SP140: variants seen among roughly 807,000 people sequenced by gnomAD.
The protein encoded by SP140 is nuclear body protein SP140.
A neutral mutation model predicts 125.0 loss-of-function variants in SP140; 81 were observed. The observed-to-expected ratio is 0.65, with a 90% CI of 0.54 to 0.78. SP140 has a LOEUF of 0.78. Among genes scored for constraint, SP140 ranks in the 30% least tolerant of loss-of-function variants. The probability of loss-of-function intolerance (pLI) is 0.00; values close to 1 mark genes in which losing one functional copy is unlikely to be tolerated. For missense variants in SP140, 858 were observed against 1,037.0 expected (o/e 0.83, Z 2.37); for synonymous variants, 312 against 354.0 (o/e 0.88, Z 1.33).
chr2:230,271,719 A>C (rs1318242910), intron 15 of SP140, among the ~76,000 whole-genome samples: 2 of 152,312 alleles, frequency 1.3e-5, no homozygotes, highest in East Asian at 3.9e-4. Context: ...CTGCTAAACG[A>C]AAAAGAATCA....
At chr2:230,259,304 C>T (rs148895002) in intron 12 of SP140, among the ~76,000 whole-genome samples, 11 of 152,100 alleles carry the variant, frequency 7.2e-5, no homozygotes, top group African/African-American at 2.7e-4. Flanking sequence ...TACACCTTTG[C>T]GTCCTCATAG....
intron 4 of SP140, 32 bp from the exon 5 acceptor site, chr2:230,243,699 A>G: frequency 6.6e-7 from 1 of 1,518,326 alleles, no homozygotes; most frequent in Non-Finnish European, 9.1e-7. Flanking sequence ...CCATAAATCA[A>G]GACATCTAAG....
chr2:230,232,411 CT>C (rs1396609671), intron 1 of SP140, among the ~76,000 whole-genome samples: 1 of 152,160 alleles, frequency 6.6e-6, no homozygotes, highest in Middle Eastern at 3.2e-3. Context: ...TGCCTTGTGA[CT>C]TTGGTTATTT....
chr2:230,266,113 G>A (rs2053084225), intron 12 of SP140, among the ~76,000 whole-genome samples: 1 of 152,142 alleles, frequency 6.6e-6, no homozygotes, highest in African/African-American at 2.4e-5. Context: ...TTGTCTTCAA[G>A]ACTCAGTTAA....
chr2:230,252,532 G>A (rs1421218310), intron 10 of SP140, among the ~76,000 whole-genome samples: 1 of 152,046 alleles, frequency 6.6e-6, no homozygotes, highest in Non-Finnish European at 1.5e-5. Flanking sequence ...AACAGAAGAA[G>A]CAGAGACATG....
intron 11 of SP140, among the ~76,000 whole-genome samples, chr2:230,254,074 G>A (rs969341044): frequency 4.6e-5 from 7 of 152,152 alleles, no homozygotes; most frequent in Admixed American, 6.5e-5. Flanking sequence ...GGATAATCTC[G>A]ATAAGAAATA....
chr2:230,278,361 T>C (rs557620647), intron 15 of SP140, among the ~76,000 whole-genome samples: 1 of 152,098 alleles, frequency 6.6e-6, no homozygotes, highest in Admixed American at 6.6e-5. Context: ...GTTTTTTTGC[T>C]ATTGAGTTAT....
chr2:230,256,496 G>A (rs536262458), intron 12 of SP140, among the ~76,000 whole-genome samples: 1 of 146,810 alleles, frequency 6.8e-6, no homozygotes, highest in Admixed American at 6.8e-5. Flanking sequence ...ACACAAGAAG[G>A]GGGATATCAC....
At chr2:230,263,205 G>T (rs184361854) in intron 12 of SP140, among the ~76,000 whole-genome samples, 24 of 152,246 alleles carry the variant, frequency 1.6e-4, no homozygotes, top group African/African-American at 5.5e-4. Context: ...TTTTACCGTT[G>T]TATAATGTCC....
At chr2:230,248,133 C>G in intron 8 of SP140, 68 bp downstream of exon 8, 1 of 1,499,982 alleles carries the variant, frequency 6.7e-7, no homozygotes, top group Non-Finnish European at 9.2e-7. Flanking sequence ...GGGTGGGAGA[C>G]CAGGTGGGCA....
chr2:230,206,363 A>G (rs562927373), intron 1 of SP140, among the ~76,000 whole-genome samples: 8 of 151,720 alleles, frequency 5.3e-5, no homozygotes, highest in Admixed American at 4.6e-4. Context: ...AGTATAGTCA[A>G]CCATTCCCTC....
At chr2:230,205,574 G>A (rs2043680580) in intron 1 of SP140, among the ~76,000 whole-genome samples, 1 of 150,742 alleles carries the variant, frequency 6.6e-6, no homozygotes, top group South Asian at 2.1e-4. Flanking sequence ...TTTGTTTTTT[G>A]CTTACTTTCT....
rs1181921531 is a variant in SP140 at position 230,229,061 on chromosome 2, C to T, written c.59+3158C>T. 2.0e-5 allele frequency among the ~76,000 whole-genome samples: 3 copies of T among 152,016 alleles called. 1 individual carries two copies. Among genetic ancestry groups the T allele is most frequent in the South Asian group, 4.1e-4 (2 of 4,822 alleles). The stretch of plus-strand genomic sequence containing the variant: ...CATATCAATTATACTTCCTTTAAAA[C>T]ATTTTTAGTGGTTCCCTGAAGTTTG... On this transcript the variant is annotated intron_variant, in intron 1 of 26. Transcript: ENST00000392045.
At chr2:230,202,860 C>T, upstream of SP140, 2 of 839,318 alleles carry the variant, frequency 2.4e-6, no homozygotes, top group Non-Finnish European at 2.1e-6. Context: ...CTGTACCTCA[C>T]TTTTCTCCTC....
rs140189309 is a variant in SP140, at chr2:230,252,975, G to A, written c.1058-341G>A. On this transcript the variant is annotated intron_variant, in intron 10 of 26. Transcript: ENST00000392045. ...ATCGTGGAAACACAGCATGGAAATA[G>A]AGCCTGCTCTATGGGATAGGATGGA... 2.6e-5 allele frequency among the ~76,000 whole-genome samples: 4 copies of A among 152,298 alleles called. No homozygotes were observed. The East Asian group carries it at 7.7e-4, about 29-fold the overall frequency.
At chr2:230,214,900 T>C (rs771294876) in intron 3 of SP140, 3 of 1,527,612 alleles carry the variant, frequency 2.0e-6, no homozygotes, top group East Asian at 2.2e-5. Flanking sequence ...ACCCAGACTT[T>C]TACCATAGCA....
chr2:230,251,928 C>A (rs1029048391), intron 10 of SP140, among the ~76,000 whole-genome samples: 13 of 151,968 alleles, frequency 8.6e-5, no homozygotes, highest in African/African-American at 3.1e-4. Flanking sequence ...AATGCGGAGA[C>A]CAGTGTCCTG....
upstream of SP140, chr2:230,221,825 A>G (rs2045844876): frequency 8.7e-7 from 1 of 1,150,098 alleles, no homozygotes; most frequent in Non-Finnish European, 1.2e-6. Flanking sequence ...ACAAACAAAC[A>G]AAAGTAAAGC....
At chr2:230,216,524 C>T (rs1439227830) in intron 3 of SP140, among the ~76,000 whole-genome samples, 1 of 152,196 alleles carries the variant, frequency 6.6e-6, no homozygotes, top group Non-Finnish European at 1.5e-5. Flanking sequence ...GGCCTCCACA[C>T]CTGAGAGAAT....
Sources: gnomAD v4.1 joint callset for allele counts (sites outside exome capture counted in the v4.1 genomes callset) on GRCh38, gnomAD v4.1.1 for gene constraint, MANE v1.5 for transcripts, NCBI Gene and HGNC (gene_info 2026-07-23, HGNC 2026-07-21) for gene names.